Variants in RBPMS observed in about 807,000 individuals in gnomAD.
RBPMS encodes RNA-binding protein with multiple splicing.
Under a neutral mutation model 26.8 loss-of-function variants are expected in RBPMS, and 7 were observed. That is an observed-to-expected ratio of 0.26 (90% CI 0.15 to 0.49). The LOEUF (loss-of-function observed/expected upper bound fraction) is 0.49. RBPMS is among the 20% of genes least tolerant of loss of function. RBPMS has a pLI of 0.98. For synonymous variants in RBPMS, 96 were observed against 93.3 expected (o/e 1.03, Z -0.17); for missense variants, 186 against 250.0 (o/e 0.74, Z 1.73).
At chr8:30,468,906 A>G (rs189878664) in intron 1 of RBPMS, among the ~76,000 whole-genome samples, 29 of 24,888 alleles carry the variant, frequency 1.2e-3, no homozygotes, top group Non-Finnish European at 1.6e-3. Context: ...GAGTGTTTCA[A>G]ATAAGTAACT....
At chr8:30,512,800 T>G (rs1233249530) in intron 5 of RBPMS, among the ~76,000 whole-genome samples, 1 of 152,202 alleles carries the variant, frequency 6.6e-6, no homozygotes, top group Non-Finnish European at 1.5e-5. Flanking sequence ...CCAGGTAGAC[T>G]TCATCAAAAC....
intron 1 of RBPMS, among the ~76,000 whole-genome samples, chr8:30,426,454 C>T (rs1274060653): frequency 1.3e-5 from 2 of 152,116 alleles, no homozygotes; most frequent in Non-Finnish European, 2.9e-5. Flanking sequence ...AATTAGATTA[C>T]AAATTGAAGG....
chr8:30,541,020 A>G (rs1371124485), intron 5 of RBPMS, among the ~76,000 whole-genome samples: 3 of 152,190 alleles, frequency 2.0e-5, no homozygotes, highest in Non-Finnish European at 2.9e-5. Context: ...TTGCTATGGA[A>G]TATTTCCAAA....
chr8:30,391,393 C>T (rs1235457856), intron 1 of RBPMS, among the ~76,000 whole-genome samples: 1 of 152,168 alleles, frequency 6.6e-6, no homozygotes, highest in Non-Finnish European at 1.5e-5. Flanking sequence ...TCATTTGGCA[C>T]CTTAGTGTCT....
intron 5 of RBPMS, among the ~76,000 whole-genome samples, chr8:30,521,008 G>T (rs377612037): frequency 6.6e-6 from 1 of 152,120 alleles, no homozygotes; most frequent in Non-Finnish European, 1.5e-5. Flanking sequence ...AACAAGAAAA[G>T]AAATTTATCT....
rs140771545 is a variant in RBPMS at position 30,439,461 on chromosome 8, C to T, written c.67-35318C>T. ...AAGGAAACCCATAGCTTAGCACCTACGAGAAACTTTGAATAGGCTGACTTT... is the reference window on the plus strand; with the variant it reads ...AAGGAAACCCATAGCTTAGCACCTATGAGAAACTTTGAATAGGCTGACTTT... On this transcript the variant is annotated intron_variant, in intron 1 of 8. Transcript: ENST00000397323. Among the ~76,000 whole-genome samples the T allele has an allele frequency of 3.5e-3, 530 of 152,250 alleles. 3 individuals carry two copies. Among genetic ancestry groups the T allele is most frequent in the Non-Finnish European group, 5.8e-3 (396 of 68,018 alleles).
At chr8:30,451,916 T>C (rs1563331858) in intron 1 of RBPMS, among the ~76,000 whole-genome samples, 1 of 152,154 alleles carries the variant, frequency 6.6e-6, no homozygotes, top group African/African-American at 2.4e-5. Flanking sequence ...TTCTTTTCTA[T>C]CATATTTCAG....
intron 5 of RBPMS, among the ~76,000 whole-genome samples, chr8:30,510,440 G>C (rs1415322007): frequency 6.6e-6 from 1 of 151,554 alleles, no homozygotes; most frequent in Non-Finnish European, 1.5e-5. Context: ...AAGTCACATA[G>C]CTCATTTTAA....
intron 5 of RBPMS, among the ~76,000 whole-genome samples, chr8:30,506,969 G>A (rs544807097): frequency 1.5e-4 from 23 of 152,196 alleles, no homozygotes; most frequent in Non-Finnish European, 2.2e-4. Context: ...CCGGGGAGGT[G>A]ATGGTGGTCA....
At chr8:30,505,388 C>A (rs1007964230) in intron 5 of RBPMS, among the ~76,000 whole-genome samples, 1 of 152,106 alleles carries the variant, frequency 6.6e-6, no homozygotes, top group Non-Finnish European at 1.5e-5. Context: ...ATTCCTTGCT[C>A]CCCCCATGTC....
chr8:30,483,683 T>C (rs1043696417), intron 4 of RBPMS, among the ~76,000 whole-genome samples: 4 of 152,140 alleles, frequency 2.6e-5, no homozygotes, highest in Admixed American at 2.6e-4. Flanking sequence ...CACCATGTTA[T>C]GCAATCATTA....
intron 4 of RBPMS, among the ~76,000 whole-genome samples, chr8:30,481,582 C>T (rs563930349): frequency 1.3e-5 from 2 of 152,040 alleles, no homozygotes; most frequent in East Asian, 3.9e-4. Context: ...CTTTCTTTAG[C>T]ACTGTCCTCT....
intron 4 of RBPMS, among the ~76,000 whole-genome samples, chr8:30,503,468 A>G (rs991205122): frequency 1.3e-5 from 2 of 150,762 alleles, no homozygotes; most frequent in Non-Finnish European, 2.9e-5. Flanking sequence ...CATGTTGCCC[A>G]GGCTGGTGTT....
chr8:30,446,757 A>T (rs1314914079), intron 1 of RBPMS, among the ~76,000 whole-genome samples: 1 of 149,738 alleles, frequency 6.7e-6, no homozygotes, highest in Non-Finnish European at 1.5e-5. Context: ...CAGTCTCCCA[A>T]GTAGCTGGGA....
At chr8:30,467,402 C>A (rs16877055) in intron 1 of RBPMS, among the ~76,000 whole-genome samples, 2,728 of 152,242 alleles carry the variant, frequency 0.018, 66 homozygotes, top group African/African-American at 0.061. Flanking sequence ...CATTAAAACA[C>A]CCTAGCTGTA....
intron 8 of RBPMS, 46 bp downstream of exon 8, chr8:30,566,406 G>A (rs550614960): frequency 9.1e-5 from 53 of 585,564 alleles, no homozygotes; most frequent in Non-Finnish European, 1.0e-4. Context: ...GCGGCATGGC[G>A]AACACGTGGG....
chr8:30,467,288 A>G (rs1816613078), intron 1 of RBPMS, among the ~76,000 whole-genome samples: 2 of 152,242 alleles, frequency 1.3e-5, no homozygotes, highest in Admixed American at 6.5e-5. Flanking sequence ...GTTTCAGCTC[A>G]TGGTTACAAA....
At chr8:30,515,492 C>T (rs1822211382) in intron 5 of RBPMS, among the ~76,000 whole-genome samples, 1 of 151,992 alleles carries the variant, frequency 6.6e-6, no homozygotes, top group African/African-American at 2.4e-5. Flanking sequence ...ACAGCCAATA[C>T]AATATGTTAC....
At chr8:30,555,917 G>C (rs1170793731) in intron 6 of RBPMS, 1 of 984,562 alleles carries the variant, frequency 1.0e-6, no homozygotes, top group Non-Finnish European at 1.2e-6. Context: ...CCCCCCCACC[G>C]GGCCGGCTGC....
Sources: allele counts gnomAD v4.1 joint callset (sites outside exome capture counted in the v4.1 genomes callset), GRCh38; gene constraint gnomAD v4.1.1; transcripts MANE v1.5; gene names NCBI Gene and HGNC (gene_info 2026-07-23, HGNC 2026-07-21).